Variants in SUMF1 observed in about 807,000 individuals in gnomAD.
The protein encoded by SUMF1 is sulfatase modifying factor 1, also known as formylglycine-generating enzyme.
In SUMF1, 48 loss-of-function variants were observed where a neutral mutation model predicts 47.6. The ratio of observed to expected loss-of-function variants is 1.01; its 90% CI spans 0.80 to 1.28. The LOEUF is 1.28. Among genes scored for constraint, SUMF1 ranks in the 50% most tolerant of loss-of-function variants. The pLI is 0.00. For synonymous variants in SUMF1, 230 were observed against 192.1 expected (o/e 1.20, Z -1.63); for missense variants, 571 against 485.4 (o/e 1.18, Z -1.66).
chr3:4,346,433 G>A (rs1176030140), intron 8 of SUMF1, among the ~76,000 whole-genome samples: 1 of 152,044 alleles, frequency 6.6e-6, no homozygotes, highest in Admixed American at 6.5e-5. Context: ...TGACTCCTGG[G>A]TAAATAATGT....
chr3:4,319,949 GACAAA>G (rs1171811204), intron 8 of SUMF1, among the ~76,000 whole-genome samples: 4 of 152,156 alleles, frequency 2.6e-5, no homozygotes, highest in African/African-American at 4.8e-5. Flanking sequence ...CTCTGGAAAA[GACAAA>G]ACAATAGAGA....
chr3:4,172,956 C>T (rs889861154), intron 8 of SUMF1, among the ~76,000 whole-genome samples: 9 of 152,052 alleles, frequency 5.9e-5, no homozygotes, highest in African/African-American at 2.2e-4. Context: ...GGTATTGCCT[C>T]GGTTTTCTTC....
intron 8 of SUMF1, among the ~76,000 whole-genome samples, chr3:4,259,081 G>A (rs1305482350): frequency 1.4e-5 from 2 of 147,546 alleles, no homozygotes; most frequent in African/African-American, 5.0e-5. Context: ...CATGGACCCA[G>A]GAAGGGGGAT....
rs373332242 is a variant in SUMF1, at chr3:4,049,966, C to A, written c.1191+18603G>T. Among the ~76,000 whole-genome samples, 47 of 152,150 alleles carry A rather than the reference C, an allele frequency of 3.1e-4. 1 individual carries two copies. Among genetic ancestry groups the A allele is most frequent in the African/African-American group, 1.1e-3 (46 of 41,522 alleles). ...GGAGTTTGGCCATCCAGTAGCCAAT[C>A]TCCTCTCTGACCATCCCCAGCCAAA... On this transcript the variant is annotated intron_variant and NMD_transcript_variant, in intron 9 of 12. Transcript: ENST00000448413.
rs184724775 is a variant in SUMF1, at chr3:4,169,260, G to A, written c.1015-100515C>T. On this transcript the variant is annotated intron_variant and NMD_transcript_variant, in intron 8 of 12. Transcript: ENST00000448413. ...GAATTGTGTTCCTCAATAAAATGTT[G>A]AAGTCCTAATCCCCAGTATCTATGA... Among the ~76,000 whole-genome samples the A allele has an allele frequency of 9.2e-5, 14 of 152,092 alleles. No individual in the cohort carries two copies. The East Asian group carries it at 2.5e-3, about 27-fold the overall frequency.
At chr3:4,324,690 G>C (rs192346496) in intron 8 of SUMF1, among the ~76,000 whole-genome samples, 3 of 152,270 alleles carry the variant, frequency 2.0e-5, no homozygotes, top group East Asian at 3.9e-4. Flanking sequence ...AGAGGGAGTA[G>C]AGGAAATAAG....
At position 4,440,263 on chromosome 3, in the gene SUMF1, A is replaced by AAAC. The variant is rs745740071; in HGVS notation, c.519+9002_519+9003insGTT. ...TGTCTCAAAAAAAAAAAAAAAAAAA[A>AAAC]AGATACTGAGCTATTTATCTGACTT... is the stretch of plus-strand genomic sequence containing the variant. On this transcript the variant is annotated intron_variant, in intron 3 of 8. Transcript: ENST00000272902. Among the ~76,000 whole-genome samples, 1,285 of 132,122 alleles carry AAAC rather than the reference A, an allele frequency of 9.7e-3. 63 individuals are homozygous for AAAC. Among genetic ancestry groups the AAAC allele is most frequent in the East Asian group, 0.029 (126 of 4,390 alleles). The allele number at this position is 132,122 out of a possible 152,430, so 86.7% of individuals were successfully genotyped here.
intron 8 of SUMF1, among the ~76,000 whole-genome samples, chr3:4,228,184 A>T (rs1028092867): frequency 1.2e-4 from 19 of 152,104 alleles, no homozygotes; most frequent in African/African-American, 3.6e-4. Context: ...TATCATTTAT[A>T]ACTATGAATC....
Position 4,049,284 on chromosome 3 carries a change from T to C in SUMF1, c.1191+19285A>G, listed in dbSNP as rs75489276. Among the ~76,000 whole-genome samples, 1,172 of 152,202 alleles carry C rather than the reference T, an allele frequency of 7.7e-3. 18 individuals carry two copies. Among genetic ancestry groups the C allele is most frequent in the African/African-American group, 0.026 (1,072 of 41,534 alleles). On this transcript the variant is annotated intron_variant and NMD_transcript_variant, in intron 9 of 12. Coordinates refer to the SUMF1 transcript ENST00000448413. ...GGGCAAAGGCAAATAATTCAATAGCTCTCACAGCTTTTACTGGAGGTAATG... is the reference window on the plus strand; with the variant it reads ...GGGCAAAGGCAAATAATTCAATAGCCCTCACAGCTTTTACTGGAGGTAATG...
intron 8 of SUMF1, among the ~76,000 whole-genome samples, chr3:4,084,732 C>T (rs538368798): frequency 6.6e-6 from 1 of 152,016 alleles, no homozygotes; most frequent in Non-Finnish European, 1.5e-5. Context: ...ATCCTTAATA[C>T]TATAAAGGGT....
chr3:4,352,692 A>G (rs1324801250), intron 8 of SUMF1, among the ~76,000 whole-genome samples: 1 of 149,506 alleles, frequency 6.7e-6, no homozygotes, highest in Non-Finnish European at 1.5e-5. Flanking sequence ...CATGCATAGA[A>G]TTATGTTCCA....
At chr3:4,110,665 A>G (rs1002143432) in intron 8 of SUMF1, among the ~76,000 whole-genome samples, 6 of 151,920 alleles carry the variant, frequency 3.9e-5, no homozygotes, top group African/African-American at 1.5e-4. Context: ...ATGCAGCCAT[A>G]AAAAAGGATG....
intron 8 of SUMF1, among the ~76,000 whole-genome samples, chr3:4,110,544 G>C (rs1410246799): frequency 3.3e-5 from 5 of 151,972 alleles, no homozygotes; most frequent in Non-Finnish European, 7.4e-5. Context: ...ACATGCACAC[G>C]TATGTTTATA....
Position 4,224,327 on chromosome 3 carries a change from G to C in SUMF1, c.1014+152003C>G, listed in dbSNP as rs75470067. ...ACAGATGGCCTAGCTGGGATGCTCC[G>C]TGACAAGGTGTGTAATGAGTAACTG... is the stretch of plus-strand genomic sequence containing the variant. On this transcript the variant is annotated intron_variant and NMD_transcript_variant, in intron 8 of 12. Transcript: ENST00000448413. 3.8e-3 allele frequency among the ~76,000 whole-genome samples: 571 copies of C among 152,208 alleles called. 5 individuals carry two copies. Among genetic ancestry groups the C allele is most frequent in the South Asian group, 8.1e-3 (39 of 4,820 alleles).
chr3:4,178,150 C>T (rs930641651), intron 8 of SUMF1, among the ~76,000 whole-genome samples: 2 of 152,136 alleles, frequency 1.3e-5, no homozygotes, highest in African/African-American at 4.8e-5. Context: ...GGAACTATTC[C>T]AATCAATAGA....
chr3:4,319,177 C>T (rs1433478290), intron 8 of SUMF1, among the ~76,000 whole-genome samples: 1 of 152,188 alleles, frequency 6.6e-6, no homozygotes, highest in Non-Finnish European at 1.5e-5. Flanking sequence ...ATGGTACAGC[C>T]TCTTTAGAAG....
intron 4 of SUMF1, among the ~76,000 whole-genome samples, chr3:4,419,355 C>T (rs1473467051): frequency 6.6e-6 from 1 of 152,146 alleles, no homozygotes; most frequent in Non-Finnish European, 1.5e-5. Flanking sequence ...ACTCGCAGCT[C>T]CCCGACAATA....
chr3:4,401,980 T>A (rs1701227217), intron 7 of SUMF1, among the ~76,000 whole-genome samples: 2 of 152,312 alleles, frequency 1.3e-5, no homozygotes, highest in South Asian at 4.1e-4. Context: ...AAGGAAATTC[T>A]TGAAACAGCT....
intron 8 of SUMF1, among the ~76,000 whole-genome samples, chr3:4,366,525 G>C (rs1013450669): frequency 6.7e-6 from 1 of 149,674 alleles, no homozygotes; most frequent in African/African-American, 2.5e-5. Context: ...TGAGGCTTTT[G>C]TATTCTTCAC....
Sources: allele counts gnomAD v4.1 joint callset (sites outside exome capture counted in the v4.1 genomes callset), GRCh38; gene constraint gnomAD v4.1.1; transcripts MANE v1.5; gene names NCBI Gene and HGNC (gene_info 2026-07-23, HGNC 2026-07-21).